Variants in ADAMTSL1 observed in about 807,000 individuals in gnomAD.
ADAMTSL1 encodes the protein ADAMTS like 1.
ADAMTSL1 carries 126 observed loss-of-function variants against 201.8 expected under a neutral mutation model. The observed-to-expected ratio is 0.62, with a 90% CI of 0.54 to 0.72. The LOEUF (loss-of-function observed/expected upper bound fraction) is 0.72, where lower values mean the gene tolerates loss of function less well. Among genes scored for constraint, ADAMTSL1 ranks in the 30% least tolerant of loss-of-function variants. The pLI, the probability that ADAMTSL1 is intolerant of heterozygous loss-of-function variation, is 0.00. For synonymous variants in ADAMTSL1, 1,121 were observed against 903.4 expected, an observed-to-expected ratio of 1.24 and a Z score of -4.32; for missense variants, 2,679 against 2,277.8, an observed-to-expected ratio of 1.18 and a Z score of -3.59.
intron 2 of ADAMTSL1, among the ~76,000 whole-genome samples, chr9:18,283,353 C>T (rs751161284): frequency 6.6e-6 from 1 of 151,990 alleles, no homozygotes; most frequent in South Asian, 2.1e-4. Flanking sequence ...GACTGTAATG[C>T]CAGCACTTTG....
At chr9:17,966,392 C>G (rs1447309823) in intron 1 of ADAMTSL1, among the ~76,000 whole-genome samples, 1 of 152,038 alleles carries the variant, frequency 6.6e-6, no homozygotes, top group African/African-American at 2.4e-5. Flanking sequence ...TGAACACCAC[C>G]CAAGCGAAGA....
chr9:17,996,358 G>T (rs963573105), intron 1 of ADAMTSL1, among the ~76,000 whole-genome samples: 1 of 152,042 alleles, frequency 6.6e-6, no homozygotes, highest in Non-Finnish European at 1.5e-5. Flanking sequence ...ATGTTAGAGA[G>T]AAGATGGGTT....
At chr9:18,722,076 A>G (rs1445295655) in intron 15 of ADAMTSL1, among the ~76,000 whole-genome samples, 1 of 152,230 alleles carries the variant, frequency 6.6e-6, no homozygotes, top group Non-Finnish European at 1.5e-5. Flanking sequence ...ACTGGGTGGT[A>G]TAATTGATCC....
chr9:18,223,488 G>A (rs369152907), intron 2 of ADAMTSL1, among the ~76,000 whole-genome samples: 14 of 151,784 alleles, frequency 9.2e-5, no homozygotes, highest in African/African-American at 3.4e-4. Flanking sequence ...GGTTTAATAT[G>A]CATTTATCTC....
intron 1 of ADAMTSL1, among the ~76,000 whole-genome samples, chr9:17,931,305 G>T (rs1000670351): frequency 2.7e-4 from 41 of 152,110 alleles, no homozygotes; most frequent in African/African-American, 9.4e-4. Context: ...TCTTAACTCC[G>T]TTCCTTAGCA....
At chr9:18,747,735 C>T (rs1052734823) in intron 15 of ADAMTSL1, among the ~76,000 whole-genome samples, 3 of 152,112 alleles carry the variant, frequency 2.0e-5, no homozygotes, top group East Asian at 1.9e-4. Context: ...ATTGTGGTCA[C>T]GTCACAGTTT....
intron 1 of ADAMTSL1, among the ~76,000 whole-genome samples, chr9:18,102,356 A>G (rs1824567114): frequency 1.3e-5 from 2 of 152,172 alleles, no homozygotes; most frequent in Non-Finnish European, 2.9e-5. Context: ...TTCTGAAAAT[A>G]TTATTTATCC....
At chr9:18,807,065 A>C (rs913109874) in intron 20 of ADAMTSL1, among the ~76,000 whole-genome samples, 23 of 152,132 alleles carry the variant, frequency 1.5e-4, no homozygotes, top group Admixed American at 1.2e-3. Context: ...GATTCTTGTA[A>C]TGCTTCTGTT....
chr9:17,938,910 C>G (rs1484852593), intron 1 of ADAMTSL1, among the ~76,000 whole-genome samples: 1 of 152,094 alleles, frequency 6.6e-6, no homozygotes, highest in East Asian at 1.9e-4. Context: ...ATAGAGAAAA[C>G]CCTTTTGTCT....
At chr9:17,936,532 TCTCTGAGGTC>T (rs1263116819) in intron 1 of ADAMTSL1, among the ~76,000 whole-genome samples, 1 of 152,148 alleles carries the variant, frequency 6.6e-6, no homozygotes, top group Non-Finnish European at 1.5e-5. Flanking sequence ...AACCAGTTGA[TCTCTGAGGTC>T]CTTTCCAGCT....
At chr9:18,057,362 T>C (rs1003323846) in intron 1 of ADAMTSL1, among the ~76,000 whole-genome samples, 13 of 152,218 alleles carry the variant, frequency 8.5e-5, no homozygotes, top group Admixed American at 2.6e-4. Flanking sequence ...TGCTAAAGAA[T>C]GATTTTATAA....
chr9:17,924,220 C>A (rs1378856128), intron 1 of ADAMTSL1, among the ~76,000 whole-genome samples: 1 of 151,932 alleles, frequency 6.6e-6, no homozygotes, highest in East Asian at 1.9e-4. Context: ...CTCCTTGTAC[C>A]TCTGGTAGAA....
At chr9:18,598,365 T>C (rs1218750685) in intron 4 of ADAMTSL1, among the ~76,000 whole-genome samples, 1 of 152,236 alleles carries the variant, frequency 6.6e-6, no homozygotes, top group Non-Finnish European at 1.5e-5. Flanking sequence ...CCAAGTCCAC[T>C]GCTCTTTAAT....
chr9:18,711,905 C>T (rs62551685), intron 14 of ADAMTSL1, among the ~76,000 whole-genome samples: 1,041 of 124,824 alleles, frequency 8.3e-3, no homozygotes, highest in South Asian at 0.011. Flanking sequence ...GATCTGAGAA[C>T]GGGCAGACTG....
intron 1 of ADAMTSL1, among the ~76,000 whole-genome samples, chr9:18,115,120 G>T (rs1825194868): frequency 6.6e-6 from 1 of 152,094 alleles, no homozygotes; most frequent in Non-Finnish European, 1.5e-5. Flanking sequence ...TGAATTGCTG[G>T]AAATCCCTAG....
At chr9:18,417,285 A>T (rs1370553125) in intron 2 of ADAMTSL1, among the ~76,000 whole-genome samples, 2 of 151,656 alleles carry the variant, frequency 1.3e-5, no homozygotes, top group African/African-American at 4.8e-5. Flanking sequence ...GTAAAGAAAA[A>T]AGGTCTTCAT....
chr9:18,902,416 CA>C (rs1324518590), intron 26 of ADAMTSL1, among the ~76,000 whole-genome samples: 7 of 151,764 alleles, frequency 4.6e-5, no homozygotes, highest in African/African-American at 1.7e-4. Context: ...GTATCTTTTC[CA>C]ACCACAGGGA....
intron 1 of ADAMTSL1, among the ~76,000 whole-genome samples, chr9:18,163,237 C>T (rs1287907099): frequency 6.6e-6 from 1 of 151,948 alleles, no homozygotes; most frequent in East Asian, 1.9e-4. Context: ...GCCTTTAGTT[C>T]CTAATTTGTA....
intron 2 of ADAMTSL1, among the ~76,000 whole-genome samples, chr9:18,301,668 C>G (rs949234006): frequency 5.9e-5 from 9 of 152,052 alleles, no homozygotes; most frequent in African/African-American, 1.9e-4. Context: ...CCTCTGGTAA[C>G]TGAAAAGAAA....
Sources: allele counts gnomAD v4.1 joint callset (sites outside exome capture counted in the v4.1 genomes callset), GRCh38; gene constraint gnomAD v4.1.1; transcripts MANE v1.5; gene names NCBI Gene and HGNC (gene_info 2026-07-23, HGNC 2026-07-21).